Variants in PTPRO observed in about 807,000 individuals in gnomAD.
PTPRO encodes the protein receptor-type tyrosine-protein phosphatase O.
Under a neutral mutation model 145.2 loss-of-function variants are expected in PTPRO, and 62 were observed. The observed-to-expected ratio is 0.43, with a 90% CI of 0.35 to 0.53. PTPRO has a LOEUF of 0.53. Among genes scored for constraint, PTPRO ranks in the 20% least tolerant of loss-of-function variants. PTPRO has a pLI of 0.01. For missense variants in PTPRO, 1,345 were observed against 1,482.7 expected, an observed-to-expected ratio of 0.91 and a Z score of 1.53; for synonymous variants, 565 against 514.7, an observed-to-expected ratio of 1.10 and a Z score of -1.32.
rs138235717 is a variant in PTPRO, at chr12:15,412,452, C to T, written c.76-71522C>T. On this transcript the variant is annotated intron_variant, in intron 1 of 26. Coordinates refer to ENST00000281171, the MANE Select transcript of PTPRO (RefSeq NM_030667.3). Reference sequence around the variant, plus strand: ...AAACATATTTTTCCTGTTTTTAGGACATTTTAAGTTTAGCTTTTGCTGCTG... The same window carrying T: ...AAACATATTTTTCCTGTTTTTAGGATATTTTAAGTTTAGCTTTTGCTGCTG... Among the ~76,000 whole-genome samples the T allele has an allele frequency of 2.9e-3, 436 of 152,286 alleles. 3 individuals are homozygous for T. The highest frequency in any genetic ancestry group is 0.01 in the African/African-American group (425 of 41,566).
At chr12:15,455,642 C>G in intron 1 of PTPRO, among the ~76,000 whole-genome samples, 1 of 151,972 alleles carries the variant, frequency 6.6e-6, no homozygotes, top group East Asian at 1.9e-4. Flanking sequence ...ATTTCCTTTT[C>G]AGATATTAAA....
intron 1 of PTPRO, among the ~76,000 whole-genome samples, chr12:15,473,850 T>A (rs914431003): frequency 1.3e-5 from 2 of 151,804 alleles, no homozygotes; most frequent in Admixed American, 6.6e-5. Context: ...AACTAGTATT[T>A]ATTGAGTTCA....
At chr12:15,593,174 C>T (rs1565451804) in intron 25 of PTPRO, among the ~76,000 whole-genome samples, 1 of 152,152 alleles carries the variant, frequency 6.6e-6, no homozygotes, top group Non-Finnish European at 1.5e-5. Context: ...AGGATACCAT[C>T]ACCACAAAAG....
chr12:15,361,838 C>T (rs566191551), intron 1 of PTPRO, among the ~76,000 whole-genome samples: 8 of 152,082 alleles, frequency 5.3e-5, no homozygotes, highest in Non-Finnish European at 1.0e-4. Flanking sequence ...TGTACAAGAA[C>T]CTTAAAGTTC....
intron 19 of PTPRO, among the ~76,000 whole-genome samples, chr12:15,569,852 T>A (rs1943999302): frequency 6.6e-6 from 1 of 152,226 alleles, no homozygotes; most frequent in Admixed American, 6.5e-5. Flanking sequence ...AGGGGATTTG[T>A]AGTGTTTCTC....
At chr12:15,456,867 G>A (rs1013915386) in intron 1 of PTPRO, among the ~76,000 whole-genome samples, 1 of 152,018 alleles carries the variant, frequency 6.6e-6, no homozygotes, top group Non-Finnish European at 1.5e-5. Context: ...TACTATTGGG[G>A]AAAGTTATAC....
intron 8 of PTPRO, among the ~76,000 whole-genome samples, chr12:15,515,943 G>GAAGTTGTT (rs1225660828): frequency 6.7e-6 from 1 of 149,656 alleles, no homozygotes; most frequent in Admixed American, 6.7e-5. Flanking sequence ...CTTGAGCCCA[G>GAAGTTGTT]AAGTTGTTTG....
At chr12:15,519,790 C>T (rs1942675527) in intron 9 of PTPRO, among the ~76,000 whole-genome samples, 1 of 152,166 alleles carries the variant, frequency 6.6e-6, no homozygotes, top group Non-Finnish European at 1.5e-5. Context: ...CACAATTACC[C>T]TCTACCCAGT....
intron 19 of PTPRO, among the ~76,000 whole-genome samples, chr12:15,573,505 G>T (rs1234087375): frequency 6.6e-6 from 1 of 152,134 alleles, no homozygotes; most frequent in Non-Finnish European, 1.5e-5. Flanking sequence ...TATTTATTCT[G>T]ATGCTCTCTT....
Position 15,491,328 on chromosome 12 carries a change from C to G in PTPRO, c.350-5917C>G, listed in dbSNP as rs181264302. On this transcript the variant is annotated intron_variant, in intron 2 of 26. Transcript: ENST00000281171. ...TATTCTTTAGTCCAGCTAAACAGAGCAATCTCAGAAAGAAGCAACTCAGCA... is the reference window on the plus strand; with the variant it reads ...TATTCTTTAGTCCAGCTAAACAGAGGAATCTCAGAAAGAAGCAACTCAGCA... Among the ~76,000 whole-genome samples the G allele has an allele frequency of 4.1e-3, 625 of 152,242 alleles. 3 individuals are homozygous for G. The highest frequency in any genetic ancestry group is 9.8e-3 in the Admixed American group (150 of 15,282).
Position 15,389,301 on chromosome 12 carries a change from G to A in PTPRO, c.75+66500G>A, listed in dbSNP as rs553618801. Among the ~76,000 whole-genome samples, 137 of 151,970 alleles carry A rather than the reference G, an allele frequency of 9.0e-4. 1 individual carries two copies. The highest frequency in any genetic ancestry group is 3.2e-3 in the African/African-American group (133 of 41,464). On this transcript the variant is annotated intron_variant, in intron 1 of 26. Coordinates refer to ENST00000281171, the MANE Select transcript of PTPRO (RefSeq NM_030667.3). ...TTTTTGTATTTTTAGTAGAGACGGG[G>A]TTTCACTGTGTTAGCCAGGATGGTC... is the stretch of plus-strand genomic sequence containing the variant.
intron 7 of PTPRO, 47 bp from the exon 8 acceptor site, chr12:15,515,451 C>T: frequency 6.2e-7 from 1 of 1,608,700 alleles, no homozygotes; most frequent in Non-Finnish European, 8.5e-7. Context: ...GTGTAACATT[C>T]TGAAATCCCA....
At chr12:15,332,057 C>G (rs1028342210) in intron 1 of PTPRO, among the ~76,000 whole-genome samples, 1 of 148,172 alleles carries the variant, frequency 6.7e-6, no homozygotes, top group African/African-American at 2.5e-5. Context: ...CCTCTGCCTT[C>G]CAGGTTCAAG....
At chr12:15,453,266 C>T (rs535428726) in intron 1 of PTPRO, among the ~76,000 whole-genome samples, 1 of 151,892 alleles carries the variant, frequency 6.6e-6, no homozygotes, top group Non-Finnish European at 1.5e-5. Flanking sequence ...TCTGGGATGA[C>T]AGGTATGAGC....
Position 15,501,882 on chromosome 12 carries a change from A to C in PTPRO, c.924A>C (p.Glu308Asp). Reference sequence around the variant, plus strand: ...GGGACAGTGCATCTGCAGCTCCTGAAAGTGAAGATGAATTTGTCAGCGTAC... The same window carrying C: ...GGGACAGTGCATCTGCAGCTCCTGACAGTGAAGATGAATTTGTCAGCGTAC... ...YWWDSASAAP[E>D]SEDEFVSVLP... is the part of the protein sequence containing the mutation. Residue 308 changes from glutamate (E) to aspartate (D), a missense_variant, in exon 5 of 27, where the codon GAA (glutamate) becomes GAC (aspartate). Glu to Asp is a conservative substitution (Grantham distance 45). Coordinates refer to ENST00000281171, the MANE Select transcript of PTPRO (RefSeq NM_030667.3). 1 of 1,614,138 alleles carries C rather than the reference A, an allele frequency of 6.2e-7. No individual in the cohort carries two copies. Among genetic ancestry groups the C allele is most frequent in the Non-Finnish European group, 8.5e-7 (1 of 1,180,012 alleles).
At chr12:15,478,981 A>AT (rs1941720899) in intron 1 of PTPRO, among the ~76,000 whole-genome samples, 1 of 152,050 alleles carries the variant, frequency 6.6e-6, no homozygotes, top group African/African-American at 2.4e-5. Flanking sequence ...ATTAAATTTA[A>AT]TTTTTTAAAA....
At chr12:15,431,427 C>CT (rs1430303449) in intron 1 of PTPRO, among the ~76,000 whole-genome samples, 2 of 152,142 alleles carry the variant, frequency 1.3e-5, no homozygotes, top group Non-Finnish European at 2.9e-5. Flanking sequence ...ATTATTTGAT[C>CT]TTTTTCTCAC....
intron 2 of PTPRO, among the ~76,000 whole-genome samples, chr12:15,494,245 A>C (rs2136456952): frequency 6.6e-6 from 1 of 152,330 alleles, no homozygotes; most frequent in African/African-American, 2.4e-5. Flanking sequence ...AAAGTAATGA[A>C]CAAAGATATT....
At chr12:15,527,074 G>T (rs934019936) in intron 12 of PTPRO, among the ~76,000 whole-genome samples, 1 of 152,128 alleles carries the variant, frequency 6.6e-6, no homozygotes, top group Non-Finnish European at 1.5e-5. Flanking sequence ...ATAAATGGCA[G>T]CATAGAAGCA....
Sources: gnomAD v4.1 joint callset for allele counts (sites outside exome capture counted in the v4.1 genomes callset) on GRCh38, gnomAD v4.1.1 for gene constraint, MANE v1.5 for transcripts, NCBI Gene and HGNC (gene_info 2026-07-23, HGNC 2026-07-21) for gene names.